SDK1: variants seen among roughly 807,000 people sequenced by gnomAD.
The protein encoded by SDK1 is protein sidekick-1.
A neutral mutation model predicts 245.5 loss-of-function variants in SDK1; 157 were observed. That is an observed-to-expected ratio of 0.64 (90% CI 0.56 to 0.73). SDK1 has a LOEUF of 0.73. Among genes scored for constraint, SDK1 ranks in the 30% least tolerant of loss-of-function variants. SDK1 has a pLI of 0.00. For synonymous variants in SDK1, 1,647 were observed against 1,278.5 expected (o/e 1.29, Z -6.15); for missense variants, 3,583 against 3,002.3 (o/e 1.19, Z -4.52).
intron 40 of SDK1, chr7:4,227,547 A>G (rs1583122294): frequency 4.5e-6 from 2 of 440,630 alleles, no homozygotes; most frequent in East Asian, 1.4e-4. Context: ...TAAGAAATAA[A>G]CAACTGACAG....
intron 40 of SDK1, among the ~76,000 whole-genome samples, chr7:4,231,390 C>T (rs920631773): frequency 2.0e-5 from 3 of 151,282 alleles, no homozygotes; most frequent in Non-Finnish European, 4.4e-5. Context: ...ACAGGGAGAC[C>T]CTGTCACTAC....
In SDK1 at chr7:4,067,749, C is replaced by A. The variant is rs527637397; in HGVS notation, c.2912-89C>A. The A allele has an allele frequency of 6.6e-6, 6 of 913,888 alleles. No individual in the cohort carries two copies. The South Asian group carries it at 8.0e-5, about 12-fold the overall frequency. 56.6% of individuals were successfully genotyped at this position (913,888 alleles called of 1,614,324 possible). Reference sequence around the variant, plus strand: ...TTTTGCAGCCCCAGCTCACCACTTTCCTTCCATAGTTAGAACCTTCCCCAC... The same window carrying A: ...TTTTGCAGCCCCAGCTCACCACTTTACTTCCATAGTTAGAACCTTCCCCAC... On this transcript the variant is annotated intron_variant, in intron 19 of 44. Coordinates refer to ENST00000404826, the MANE Select transcript of SDK1 (RefSeq NM_152744.4).
intron 1 of SDK1, among the ~76,000 whole-genome samples, chr7:3,465,234 G>C (rs1039644210): frequency 2.0e-5 from 3 of 152,172 alleles, no homozygotes; most frequent in Non-Finnish European, 2.9e-5. Flanking sequence ...GGCTCAAGCA[G>C]AGGCCCTCCT....
intron 4 of SDK1, among the ~76,000 whole-genome samples, chr7:3,819,133 A>G (rs774274118): frequency 1.8e-4 from 28 of 152,214 alleles, no homozygotes; most frequent in Non-Finnish European, 1.5e-4. Context: ...CTCTGTTCAG[A>G]AAGATTTGGA....
intron 35 of SDK1, among the ~76,000 whole-genome samples, chr7:4,205,346 A>T (rs1191786655): frequency 6.6e-6 from 1 of 152,148 alleles, no homozygotes; most frequent in Non-Finnish European, 1.5e-5. Context: ...TATTAGTGAC[A>T]AAAACCACAG....
rs142269128 is a variant in SDK1, at chr7:4,067,888, C to G, written c.2962C>G (p.Leu988Val). The G allele has an allele frequency of 1.1e-4, 185 of 1,613,432 alleles. No individual in the cohort carries two copies. The highest frequency in any genetic ancestry group is 1.1e-4 in the Non-Finnish European group (135 of 1,179,832). The change falls in exon 20 of 45, where the codon CTC becomes GTC. Residue 988 changes from leucine to valine, a missense_variant. Transcript: ENST00000404826. ...LSFTEILDTS[L>V]KVSWQEPLEK... Reference sequence around the variant, plus strand: ...TTTCACAGAGATCTTGGACACATCTCTCAAGGTCAGCTGGCAGGAGCCCCT... The same window carrying G: ...TTTCACAGAGATCTTGGACACATCTGTCAAGGTCAGCTGGCAGGAGCCCCT...
At chr7:3,813,561 G>A (rs1421289431) in intron 4 of SDK1, among the ~76,000 whole-genome samples, 6 of 150,492 alleles carry the variant, frequency 4.0e-5, no homozygotes, top group South Asian at 2.1e-4. Flanking sequence ...GAATAATGCC[G>A]CAGTAAACAT....
At chr7:3,334,233 GTA>G (rs1317768557) in intron 1 of SDK1, among the ~76,000 whole-genome samples, 1 of 152,208 alleles carries the variant, frequency 6.6e-6, no homozygotes, top group Non-Finnish European at 1.5e-5. Context: ...TGGTTTCCGA[GTA>G]TAGCTGGCTC....
intron 26 of SDK1, among the ~76,000 whole-genome samples, chr7:4,128,454 C>T (rs1333572750): frequency 1.3e-5 from 2 of 152,356 alleles, no homozygotes; most frequent in Non-Finnish European, 2.9e-5. Context: ...CCTGCTGATG[C>T]TATCCTTTAT....
chr7:3,498,813 G>A (rs539220287), intron 1 of SDK1, among the ~76,000 whole-genome samples: 1 of 151,190 alleles, frequency 6.6e-6, no homozygotes, highest in Admixed American at 6.6e-5. Context: ...GTATGCTGAT[G>A]AGTTCCACAT....
chr7:3,444,878 C>A (rs1780300241), intron 1 of SDK1, among the ~76,000 whole-genome samples: 1 of 152,176 alleles, frequency 6.6e-6, no homozygotes, highest in African/African-American at 2.4e-5. Flanking sequence ...TAGCCAATTT[C>A]ACAAACAAAA....
intron 5 of SDK1, among the ~76,000 whole-genome samples, chr7:3,946,131 C>T (rs1007510825): frequency 1.7e-4 from 26 of 149,978 alleles, no homozygotes; most frequent in African/African-American, 6.1e-4. Context: ...AAGGACCTTT[C>T]AGTTACCTAG....
chr7:4,054,706 C>T (rs745906040), intron 19 of SDK1, among the ~76,000 whole-genome samples: 3 of 152,110 alleles, frequency 2.0e-5, no homozygotes, highest in Non-Finnish European at 4.4e-5. Flanking sequence ...CTGCTTCTCA[C>T]CTGAGAGGCA....
intron 19 of SDK1, among the ~76,000 whole-genome samples, chr7:4,065,501 T>C (rs1035505132): frequency 6.6e-6 from 1 of 152,098 alleles, no homozygotes; most frequent in African/African-American, 2.4e-5. Context: ...TCTCCATCGA[T>C]TGAAAAAAGA....
At position 4,265,198 on chromosome 7, in the gene SDK1, CT is replaced by C; in HGVS notation, c.6457del (p.Tyr2153ThrfsTer90). On this transcript the variant is annotated frameshift_variant, in exon 45 of 45. Coordinates refer to ENST00000404826, the MANE Select transcript of SDK1 (RefSeq NM_152744.4). LOFTEE classifies it high-confidence loss of function. ...ACCACTACATGAGCGACCCCACCTA[CT>C]ACAACTCATGGAAGCGCAGGGCCCA... ...VNHYMSDPTY[Y>X]NSWKRRAQGR... 6.2e-7 allele frequency: 1 copy of C among 1,612,018 alleles called. No individual in the cohort carries two copies. The highest frequency in any genetic ancestry group is 8.5e-7 in the Non-Finnish European group (1 of 1,179,644).
intron 1 of SDK1, among the ~76,000 whole-genome samples, chr7:3,564,661 C>T (rs1197643006): frequency 6.6e-6 from 1 of 151,680 alleles, no homozygotes; most frequent in Admixed American, 6.6e-5. Flanking sequence ...TAAAAATTAT[C>T]CTAAGAAATA....
At chr7:3,374,161 A>G (rs12667184) in intron 1 of SDK1, among the ~76,000 whole-genome samples, 74,627 of 151,814 alleles carry the variant, frequency 0.49, 19,660 homozygotes, top group South Asian at 0.62. Context: ...TGCATAGTTG[A>G]AGGACTGGGG....
chr7:4,153,850 AT>A (rs11284693), intron 30 of SDK1, among the ~76,000 whole-genome samples: 111,838 of 148,764 alleles, frequency 0.75, 42,330 homozygotes, highest in African/African-American at 0.89. Flanking sequence ...CTAATGTTTA[AT>A]TTTTTTTTTT....
At chr7:3,479,953 A>T (rs578255901) in intron 1 of SDK1, among the ~76,000 whole-genome samples, 6 of 151,624 alleles carry the variant, frequency 4.0e-5, no homozygotes, top group African/African-American at 1.5e-4. Context: ...CTTTGAAGCT[A>T]TGTTATTAGG....
Sources: gnomAD v4.1 joint callset for allele counts (sites outside exome capture counted in the v4.1 genomes callset) on GRCh38, gnomAD v4.1.1 for gene constraint, MANE v1.5 for transcripts, NCBI Gene and HGNC (gene_info 2026-07-23, HGNC 2026-07-21) for gene names.